Variants in SAMD5 observed in about 807,000 individuals in gnomAD.
SAMD5 encodes the protein sterile alpha motif domain containing 5, also known as sterile alpha motif domain-containing protein 5.
SAMD5 carries 13 observed loss-of-function variants against 11.3 expected under a neutral mutation model. That is an observed-to-expected ratio of 1.15 (90% CI 0.75 to 1.83). SAMD5 has a LOEUF of 1.83. Among genes scored for constraint, SAMD5 ranks in the 40% most tolerant of loss-of-function variants. The pLI is 0.00. For synonymous variants in SAMD5, 129 were observed against 111.3 expected, an observed-to-expected ratio of 1.16 and a Z score of -1.00; for missense variants, 255 against 239.1, an observed-to-expected ratio of 1.07 and a Z score of -0.44.
rs1789111578 is a variant in SAMD5 at position 147,569,970 on chromosome 6, T to C, written c.*5514T>C. The C allele has an allele frequency of 2.0e-6, 2 of 985,392 alleles. No individual in the cohort carries two copies. Among genetic ancestry groups the C allele is most frequent in the South Asian group, 9.4e-5 (2 of 21,284 alleles). The allele number at this position is 985,392 out of a possible 1,614,324, so 61.0% of individuals were successfully genotyped here. A position where few individuals can be genotyped will look rare whatever the true frequency, so the allele number is the denominator to read the frequency against. Reference sequence around the variant, plus strand: ...ATGTAATGCATGCCCATGCACACTGTGATTTGCAAACATATGTCCGCTCTT... The same window carrying C: ...ATGTAATGCATGCCCATGCACACTGCGATTTGCAAACATATGTCCGCTCTT... On this transcript the variant is annotated 3_prime_UTR_variant, in exon 2 of 2. Transcript: ENST00000367474.
At chr6:147,611,784 A>T (rs954996486) in intron 1 of SAMD5, among the ~76,000 whole-genome samples, 3 of 152,142 alleles carry the variant, frequency 2.0e-5, no homozygotes, top group African/African-American at 7.2e-5. Context: ...CAGCCTAGTT[A>T]TAAGGATCTG....
intron 1 of SAMD5, among the ~76,000 whole-genome samples, chr6:147,647,200 A>G (rs1790418008): frequency 6.6e-6 from 1 of 152,008 alleles, no homozygotes; most frequent in Non-Finnish European, 1.5e-5. Flanking sequence ...TAGAAAATAC[A>G]TTTATTACTC....
intron 1 of SAMD5, among the ~76,000 whole-genome samples, chr6:147,554,254 G>A (rs1788816662): frequency 6.6e-6 from 1 of 152,148 alleles, no homozygotes; most frequent in South Asian, 2.1e-4. Flanking sequence ...CTTCCGCTGG[G>A]TCCCTCCCAT....
intron 1 of SAMD5, among the ~76,000 whole-genome samples, chr6:147,583,235 A>C (rs1789324241): frequency 6.6e-6 from 1 of 152,206 alleles, no homozygotes; most frequent in African/African-American, 2.4e-5. Context: ...ATCCAATACC[A>C]TAGTTAGCTA....
chr6:147,596,610 C>T (rs17387472), intron 1 of SAMD5, among the ~76,000 whole-genome samples: 13,405 of 152,220 alleles, frequency 0.088, 716 homozygotes, highest in Middle Eastern at 0.15. Context: ...TCCAGTAGTT[C>T]TCTTTCCCCA....
intron 1 of SAMD5, among the ~76,000 whole-genome samples, chr6:147,563,513 A>C (rs559711307): frequency 6.6e-6 from 1 of 152,196 alleles, no homozygotes; most frequent in Non-Finnish European, 1.5e-5. Flanking sequence ...AGACTCAGGC[A>C]TCCTTCTTCC....
At chr6:147,765,740 G>A in the SAMD5 span, among the ~76,000 whole-genome samples, 1 of 152,154 alleles carries the variant, frequency 6.6e-6, no homozygotes, top group East Asian at 1.9e-4. Context: ...CAGAAAGGCC[G>A]TACAACAGAT....
chr6:147,563,283 C>T (rs975732725), intron 1 of SAMD5, among the ~76,000 whole-genome samples: 1 of 152,090 alleles, frequency 6.6e-6, no homozygotes, highest in African/African-American at 2.4e-5. Context: ...ATTGCTGTAC[C>T]TTAGAGAAAT....
the SAMD5 span, among the ~76,000 whole-genome samples, chr6:147,742,623 T>C: frequency 8.5e-5 from 13 of 152,170 alleles, no homozygotes; most frequent in Non-Finnish European, 1.8e-4. Flanking sequence ...GAAGGAGGCA[T>C]TTGCCTTTCT....
the SAMD5 span, among the ~76,000 whole-genome samples, chr6:147,861,740 G>C: frequency 6.6e-6 from 1 of 152,154 alleles, no homozygotes; most frequent in African/African-American, 2.4e-5. Context: ...TCCATACCCT[G>C]ACTTTCCTTT....
the SAMD5 span, among the ~76,000 whole-genome samples, chr6:147,823,575 A>G: frequency 2.6e-5 from 4 of 152,222 alleles, no homozygotes; most frequent in Admixed American, 6.5e-5. Flanking sequence ...ATCTATACCT[A>G]TGTAACAAAC....
intron 1 of SAMD5, among the ~76,000 whole-genome samples, chr6:147,722,743 A>G (rs560685880): frequency 2.0e-5 from 3 of 152,214 alleles, no homozygotes; most frequent in African/African-American, 7.2e-5. Flanking sequence ...TTTTTGATTG[A>G]ATGTCAGACA....
chr6:147,615,106 G>A lies in SAMD5; in HGVS notation c.162+105719G>A, dbSNP rs1789846330. On this transcript the variant is annotated intron_variant, in intron 1 of 1. Coordinates refer to the SAMD5 transcript ENST00000566741. ...ATAGGAGGATGTATGGAGGTTATAT[G>A]CAAATATATACCACTTTATATAAGG... is the stretch of plus-strand genomic sequence containing the variant. Among the ~76,000 whole-genome samples the A allele has an allele frequency of 2.0e-5, 3 of 152,016 alleles. 1 individual carries two copies. The highest frequency in any genetic ancestry group is 4.2e-4 in the South Asian group (2 of 4,818).
the SAMD5 span, among the ~76,000 whole-genome samples, chr6:147,858,861 G>A: frequency 3.3e-5 from 5 of 152,146 alleles, no homozygotes; most frequent in East Asian, 5.8e-4. Context: ...CATGTGCCAC[G>A]CACTATTCTT....
the SAMD5 span, among the ~76,000 whole-genome samples, chr6:147,874,088 C>T: frequency 1.4e-4 from 22 of 152,138 alleles, no homozygotes; most frequent in African/African-American, 4.6e-4. Context: ...GAACATGATA[C>T]TATGCTTACT....
At chr6:147,897,226 A>G in the SAMD5 span, among the ~76,000 whole-genome samples, 1 of 152,156 alleles carries the variant, frequency 6.6e-6, no homozygotes, top group Non-Finnish European at 1.5e-5. Context: ...ATGCTTAACC[A>G]CAAGCTTCAT....
chr6:147,517,166 A>C (rs1583064789), intron 1 of SAMD5, among the ~76,000 whole-genome samples: 1 of 152,316 alleles, frequency 6.6e-6, no homozygotes, highest in African/African-American at 2.4e-5. Context: ...TCATCAATGT[A>C]ATGGACAACA....
At chr6:147,632,477 A>C (rs1790166140) in intron 1 of SAMD5, among the ~76,000 whole-genome samples, 1 of 152,186 alleles carries the variant, frequency 6.6e-6, no homozygotes, top group Non-Finnish European at 1.5e-5. Context: ...AGGTGTGAGG[A>C]AGAAAATAGA....
chr6:147,736,793 C>T (rs1791810153), intron 1 of SAMD5, among the ~76,000 whole-genome samples: 1 of 152,088 alleles, frequency 6.6e-6, no homozygotes, highest in African/African-American at 2.4e-5. Flanking sequence ...GATTTCTCTT[C>T]TGTGACTTAG....
Sources: gnomAD v4.1 joint callset for allele counts (sites outside exome capture counted in the v4.1 genomes callset) on GRCh38, gnomAD v4.1.1 for gene constraint, MANE v1.5 for transcripts, NCBI Gene and HGNC (gene_info 2026-07-23, HGNC 2026-07-21) for gene names.